Variants in SLC22A9 observed in about 807,000 individuals in gnomAD.
SLC22A9 encodes the protein organic anion transporter 7.
In SLC22A9, 64 loss-of-function variants were observed where a neutral mutation model predicts 50.1. The ratio of observed to expected loss-of-function variants is 1.28; its 90% CI spans 1.04 to 1.57. The LOEUF (loss-of-function observed/expected upper bound fraction) is 1.57, where lower values mean the gene tolerates loss of function less well. Ranked by LOEUF, SLC22A9 falls within the 40% of genes most tolerant of loss-of-function variation. SLC22A9 has a pLI of 0.00. For missense variants in SLC22A9, 757 were observed against 676.1 expected, an observed-to-expected ratio of 1.12 and a Z score of -1.33; for synonymous variants, 261 against 242.5, an observed-to-expected ratio of 1.08 and a Z score of -0.71.
chr11:63,395,723 A>G (rs958510775), intron 6 of SLC22A9, among the ~76,000 whole-genome samples: 1 of 152,096 alleles, frequency 6.6e-6, no homozygotes, highest in African/African-American at 2.4e-5. Context: ...CTTTCCAGAG[A>G]ACATCAGCTG....
intron 5 of SLC22A9, among the ~76,000 whole-genome samples, chr11:63,380,611 T>A (rs959857995): frequency 6.6e-6 from 1 of 152,188 alleles, no homozygotes; most frequent in African/African-American, 2.4e-5. Flanking sequence ...TGTTCTCACT[T>A]ATATATAGGA....
At chr11:63,377,351 C>G (rs2014482355) in intron 5 of SLC22A9, among the ~76,000 whole-genome samples, 1 of 151,848 alleles carries the variant, frequency 6.6e-6, no homozygotes, top group Non-Finnish European at 1.5e-5. Flanking sequence ...AGTAAACCAA[C>G]CACACTCCTG....
chr11:63,404,659 G>A lies in SLC22A9; in HGVS notation c.1074-1838G>A, dbSNP rs551675984. On this transcript the variant is annotated intron_variant, in intron 6 of 9. Transcript: ENST00000279178. Reference sequence around the variant, plus strand: ...GGATGTAGGGGTTTACAGTGTTCACGCAATACTTTTCCTTCAGTGGATGGC... The same window carrying A: ...GGATGTAGGGGTTTACAGTGTTCACACAATACTTTTCCTTCAGTGGATGGC... Among the ~76,000 whole-genome samples the A allele has an allele frequency of 6.0e-4, 92 of 152,270 alleles. 1 individual carries two copies. Among genetic ancestry groups the A allele is most frequent in the African/African-American group, 2.1e-3 (86 of 41,570 alleles).
chr11:63,369,821 G>A lies in SLC22A9; in HGVS notation c.-236G>A, dbSNP rs1374642914. On this transcript the variant is annotated 5_prime_UTR_variant, in exon 1 of 10. Transcript: ENST00000279178. ...ATTGTAAACGACTGGGAGTATCTGAGCAAATTATTTCTTACGTGACTTTAG... is the reference window on the plus strand; with the variant it reads ...ATTGTAAACGACTGGGAGTATCTGAACAAATTATTTCTTACGTGACTTTAG... The A allele has an allele frequency of 2.1e-6, 1 of 480,518 alleles. No individual in the cohort carries two copies. The highest frequency in any genetic ancestry group is 2.0e-5 in the African/African-American group (1 of 50,798). The allele number at this position is 480,518 out of a possible 1,614,324, so 29.8% of individuals were successfully genotyped here. A position where few individuals can be genotyped will look rare whatever the true frequency, so the allele number is the denominator to read the frequency against.
intron 6 of SLC22A9, among the ~76,000 whole-genome samples, chr11:63,388,467 TATC>T (rs2014706949): frequency 6.6e-6 from 1 of 152,096 alleles, no homozygotes; most frequent in Admixed American, 6.6e-5. Context: ...CAATATGATA[TATC>T]ATGCTAACCA....
chr11:63,382,422 T>C (rs1434159420), intron 6 of SLC22A9, 145 bp downstream of exon 6: 6 of 603,236 alleles, frequency 9.9e-6, no homozygotes, highest in Non-Finnish European at 1.7e-5. Flanking sequence ...TGTTTGAATG[T>C]AGTAAAAGAG....
At chr11:63,401,711 T>C (rs1459120121) in intron 6 of SLC22A9, among the ~76,000 whole-genome samples, 1 of 152,076 alleles carries the variant, frequency 6.6e-6, no homozygotes, top group Non-Finnish European at 1.5e-5. Flanking sequence ...CTGAGCTAAT[T>C]TGCATTCCCA....
At chr11:63,381,153 C>T (rs2119900996) in intron 5 of SLC22A9, among the ~76,000 whole-genome samples, 1 of 152,208 alleles carries the variant, frequency 6.6e-6, no homozygotes, top group South Asian at 2.1e-4. Context: ...TCTAGACAAC[C>T]CTCTAACCTA....
At chr11:63,373,858 C>T (rs2014410014) in intron 3 of SLC22A9, 36 bp from the exon 4 acceptor site, 2 of 1,607,154 alleles carry the variant, frequency 1.2e-6, no homozygotes, top group Non-Finnish European at 8.5e-7. Flanking sequence ...GAAACTCCAC[C>T]TTTGAAGTCA....
At chr11:63,389,269 C>T (rs1041141667) in intron 6 of SLC22A9, among the ~76,000 whole-genome samples, 1 of 151,722 alleles carries the variant, frequency 6.6e-6, no homozygotes, top group Non-Finnish European at 1.5e-5. Context: ...CACCTATCAA[C>T]CCGTCATCTA....
intron 5 of SLC22A9, among the ~76,000 whole-genome samples, chr11:63,378,013 C>T (rs548927651): frequency 2.0e-4 from 30 of 151,938 alleles, no homozygotes; most frequent in Non-Finnish European, 4.0e-4. Flanking sequence ...AATTGAAACC[C>T]TGTATAAACC....
At chr11:63,379,016 A>G (rs548973103) in intron 5 of SLC22A9, among the ~76,000 whole-genome samples, 1 of 152,250 alleles carries the variant, frequency 6.6e-6, no homozygotes, top group African/African-American at 2.4e-5. Flanking sequence ...AGAGAAAACT[A>G]TTCTAAAATT....
chr11:63,406,995 A>G (rs1369981161), intron 7 of SLC22A9, among the ~76,000 whole-genome samples: 1 of 152,176 alleles, frequency 6.6e-6, no homozygotes, highest in Non-Finnish European at 1.5e-5. Context: ...ACAGCAATCA[A>G]TTACTTACTC....
chr11:63,398,186 G>A (rs1285509500), intron 6 of SLC22A9, among the ~76,000 whole-genome samples: 1 of 152,162 alleles, frequency 6.6e-6, no homozygotes, highest in East Asian at 1.9e-4. Flanking sequence ...TCATCTGGGA[G>A]CTACATCCTA....
rs1247899388 is a variant in SLC22A9 at position 63,374,022 on chromosome 11, G to A, written c.790G>A (p.Val264Met). 1 of 1,613,452 alleles carries A rather than the reference G, an allele frequency of 6.2e-7. No homozygotes were observed. Among genetic ancestry groups the A allele is most frequent in the South Asian group, 1.1e-5 (1 of 91,052 alleles). The change falls in exon 4 of 10, where the codon GTG becomes ATG. Residue 264 changes from valine (V) to methionine (M), a missense_variant. Physicochemically the swap from Val to Met is conservative, Grantham distance 21. Transcript: ENST00000279178. ...AIRDWHILQL[V>M]VSVPYFVIFL... The stretch of plus-strand genomic sequence containing the variant: ...TCGAGACTGGCATATCCTCCAGCTG[G>A]TGGTGTCTGTACCATACTTTGTGAT...
chr11:63,409,957 A>C lies in SLC22A9; in HGVS notation c.*95A>C. ...TAGCAAAATCTAGAAAATAAATAACAAGGCTGGGTGCGGTGGCTCACGCCT... is the reference window on the plus strand; with the variant it reads ...TAGCAAAATCTAGAAAATAAATAACCAGGCTGGGTGCGGTGGCTCACGCCT... On this transcript the variant is annotated 3_prime_UTR_variant, in exon 10 of 10. Transcript: ENST00000279178. 2.8e-6 allele frequency: 4 copies of C among 1,410,054 alleles called. No individual in the cohort carries two copies. Among genetic ancestry groups the C allele is most frequent in the Non-Finnish European group, 4.0e-6 (4 of 1,008,506 alleles). The allele number at this position is 1,410,054 out of a possible 1,614,324, so 87.3% of individuals were successfully genotyped here.
chr11:63,406,815 G>A (rs2015049045), intron 7 of SLC22A9, 104 bp downstream of exon 7: 2 of 1,283,826 alleles, frequency 1.6e-6, no homozygotes, highest in Middle Eastern at 2.8e-4. Context: ...GGAGAATTGG[G>A]TTCTTAGGAT....
chr11:63,399,205 T>G (rs1009596364), intron 6 of SLC22A9, among the ~76,000 whole-genome samples: 2 of 152,142 alleles, frequency 1.3e-5, no homozygotes, highest in African/African-American at 4.8e-5. Context: ...TCTTACCTAT[T>G]AATTGCATTG....
intron 6 of SLC22A9, among the ~76,000 whole-genome samples, chr11:63,398,310 C>A (rs765474849): frequency 7.9e-5 from 12 of 152,164 alleles, no homozygotes; most frequent in Non-Finnish European, 1.6e-4. Flanking sequence ...AGAATTCTCT[C>A]CTGGAGCTGC....
Sources: gnomAD v4.1 joint callset for allele counts (sites outside exome capture counted in the v4.1 genomes callset) on GRCh38, gnomAD v4.1.1 for gene constraint, MANE v1.5 for transcripts, NCBI Gene and HGNC (gene_info 2026-07-23, HGNC 2026-07-21) for gene names.